PLCB4: variants seen among roughly 807,000 people sequenced by gnomAD.
PLCB4 encodes the protein 1-phosphatidylinositol 4,5-bisphosphate phosphodiesterase beta-4.
Under a neutral mutation model 178.8 loss-of-function variants are expected in PLCB4, and 77 were observed. The ratio of observed to expected loss-of-function variants is 0.43; its 90% confidence interval spans 0.36 to 0.52. PLCB4 has a LOEUF of 0.52. Ranked by LOEUF, PLCB4 falls within the 20% of genes least tolerant of loss-of-function variation. The pLI is 0.00. For missense variants in PLCB4, 1,024 were observed against 1,453.4 expected (o/e 0.70, Z 4.80); for synonymous variants, 496 against 490.8 (o/e 1.01, Z -0.14).
chr20:9,144,872 T>C (rs2092569449), intron 2 of PLCB4, among the ~76,000 whole-genome samples: 1 of 152,044 alleles, frequency 6.6e-6, no homozygotes, highest in South Asian at 2.1e-4. Context: ...AGATCATTCA[T>C]GTAACATTGC....
chr20:9,389,885 A>G lies in PLCB4; in HGVS notation c.1165A>G (p.Ile389Val), dbSNP rs373874403. 1 of 1,568,904 alleles carries G rather than the reference A, an allele frequency of 6.4e-7. No individual in the cohort carries two copies. The highest frequency in any genetic ancestry group is 8.7e-7 in the Non-Finnish European group (1 of 1,144,796). ...TTTTTTTTTGTTTTTAAAGGATGTA[A>G]TTCAAGCCATCAAGGAAACTGCATT... ...MCTDILFKDVIQAIKETAFVT... is the reference protein window; with the variant it reads ...MCTDILFKDVVQAIKETAFVT... The change falls in exon 16 of 40, where the codon ATT becomes GTT. Residue 389 changes from isoleucine to valine, a missense_variant. By Grantham distance (29) the Ile-to-Val change is conservative. Coordinates refer to ENST00000378473, the MANE Select transcript of PLCB4 (RefSeq NM_001377142.1).
chr20:9,144,206 A>G (rs1208183146), intron 2 of PLCB4, among the ~76,000 whole-genome samples: 1 of 152,072 alleles, frequency 6.6e-6, no homozygotes, highest in Non-Finnish European at 1.5e-5. Flanking sequence ...AACTGCTTGG[A>G]GAAGCTGGGC....
intron 3 of PLCB4, among the ~76,000 whole-genome samples, chr20:9,252,920 A>T (rs1423860322): frequency 1.3e-5 from 2 of 152,114 alleles, no homozygotes; most frequent in Non-Finnish European, 2.9e-5. Context: ...TTTAGACAGG[A>T]GTGACACCAC....
chr20:9,227,699 C>G lies in PLCB4; in HGVS notation c.-16+10247C>G, dbSNP rs8121028. ...GTTCTGTATGCCTATACTTATGTCA[C>G]TGACACACTGTTTTTATTACTGTGT... On this transcript the variant is annotated intron_variant, in intron 3 of 39. Transcript: ENST00000378473. 7.5e-3 allele frequency among the ~76,000 whole-genome samples: 1,135 copies of G among 152,228 alleles called. 18 individuals carry two copies. Among genetic ancestry groups the G allele is most frequent in the African/African-American group, 0.026 (1,091 of 41,536 alleles).
At chr20:9,426,212 A>G (rs1249420783) in intron 28 of PLCB4, among the ~76,000 whole-genome samples, 1 of 152,148 alleles carries the variant, frequency 6.6e-6, no homozygotes, top group Admixed American at 6.5e-5. Flanking sequence ...GATTTTCATT[A>G]CTTTTTTCCA....
intron 3 of PLCB4, among the ~76,000 whole-genome samples, chr20:9,261,281 A>G (rs1394954334): frequency 6.6e-6 from 1 of 152,050 alleles, no homozygotes; most frequent in African/African-American, 2.4e-5. Flanking sequence ...CTCTAATCAT[A>G]TATGTGCGTG....
At chr20:9,380,226 G>T in intron 13 of PLCB4, 64 bp downstream of exon 13, 2 of 821,966 alleles carry the variant, frequency 2.4e-6, no homozygotes, top group Admixed American at 2.5e-5. Flanking sequence ...TTAAAGCCTT[G>T]GTTTATTTAA....
chr20:9,078,198 G>T (rs779712514), intron 1 of PLCB4, among the ~76,000 whole-genome samples: 5 of 151,994 alleles, frequency 3.3e-5, no homozygotes, highest in Non-Finnish European at 7.4e-5. Flanking sequence ...CCAGGCTGGT[G>T]TTGAACTCCT....
At chr20:9,126,330 A>T (rs2092113590) in intron 2 of PLCB4, among the ~76,000 whole-genome samples, 1 of 152,178 alleles carries the variant, frequency 6.6e-6, no homozygotes, top group Non-Finnish European at 1.5e-5. Context: ...TAGTAGCAGA[A>T]GTACTGGGTC....
chr20:9,404,187 C>T (rs570034737), intron 20 of PLCB4, among the ~76,000 whole-genome samples: 1 of 152,090 alleles, frequency 6.6e-6, no homozygotes, highest in African/African-American at 2.4e-5. Flanking sequence ...GCCTGGAATT[C>T]CTTGAGGAGG....
rs1005275645 is a variant in PLCB4, at chr20:9,180,340, T to C, written c.-78-37050T>C. 4.6e-5 allele frequency among the ~76,000 whole-genome samples: 7 copies of C among 152,154 alleles called. No homozygotes were observed. The South Asian group carries it at 1.4e-3, about 32-fold the overall frequency. ...AAATAAAAAAGACCATTAGTACTCA[T>C]TGTTCAGCGATTTAAATCTCACAAG... On this transcript the variant is annotated intron_variant, in intron 2 of 39. Transcript: ENST00000378473.
At chr20:9,207,529 A>G (rs2093627679) in intron 2 of PLCB4, among the ~76,000 whole-genome samples, 1 of 152,242 alleles carries the variant, frequency 6.6e-6, no homozygotes, top group African/African-American at 2.4e-5. Flanking sequence ...TTACTATTAT[A>G]CAACTGCTAA....
At chr20:9,123,154 TGAG>T (rs2092013632) in intron 2 of PLCB4, among the ~76,000 whole-genome samples, 1 of 152,050 alleles carries the variant, frequency 6.6e-6, no homozygotes, top group Non-Finnish European at 1.5e-5. Context: ...CATGTTGGAG[TGAG>T]GAGAAGGATG....
intron 20 of PLCB4, among the ~76,000 whole-genome samples, chr20:9,403,511 A>AG (rs1206024563): frequency 2.6e-5 from 4 of 152,222 alleles, no homozygotes; most frequent in African/African-American, 7.2e-5. Flanking sequence ...AGCAAAAAAA[A>AG]CAATTCCCAA....
rs371725616 is a variant in PLCB4 at position 9,480,770 on chromosome 20, A to G, written c.*1761A>G. On this transcript the variant is annotated 3_prime_UTR_variant, in exon 40 of 40. Coordinates refer to ENST00000378473, the MANE Select transcript of PLCB4 (RefSeq NM_001377142.1). Reference sequence around the variant, plus strand: ...TTTTGGCACTAACATCTCATGAAAAATTATGGTTAATAAAATATCACCACA... The same window carrying G: ...TTTTGGCACTAACATCTCATGAAAAGTTATGGTTAATAAAATATCACCACA... 7 of 152,306 alleles carry G rather than the reference A, an allele frequency of 4.6e-5. 1 individual carries two copies. Among genetic ancestry groups the G allele is most frequent in the Admixed American group, 2.6e-4 (4 of 15,292 alleles). The allele number at this position is 152,306 out of a possible 1,614,324, so 9.4% of individuals were successfully genotyped here. A position where few individuals can be genotyped will look rare whatever the true frequency, so the allele number is the denominator to read the frequency against.
At chr20:9,425,672 G>A (rs188281249) in intron 28 of PLCB4, among the ~76,000 whole-genome samples, 1 of 152,132 alleles carries the variant, frequency 6.6e-6, no homozygotes. Context: ...ATGTCATTGT[G>A]GCTGCTTACT....
intron 4 of PLCB4, among the ~76,000 whole-genome samples, chr20:9,320,562 A>G (rs1248903211): frequency 6.6e-6 from 1 of 152,182 alleles, no homozygotes; most frequent in Non-Finnish European, 1.5e-5. Context: ...CGTTTTACCC[A>G]GCCCTGTTCA....
chr20:9,253,437 A>G (rs550544880), intron 3 of PLCB4, among the ~76,000 whole-genome samples: 1 of 152,138 alleles, frequency 6.6e-6, no homozygotes, highest in East Asian at 1.9e-4. Flanking sequence ...ACTCAGACCC[A>G]ATCTGGAAGG....
intron 3 of PLCB4, among the ~76,000 whole-genome samples, chr20:9,259,329 C>T (rs2094272617): frequency 6.6e-6 from 1 of 152,056 alleles, no homozygotes; most frequent in Admixed American, 6.5e-5. Flanking sequence ...AAATGTTATT[C>T]ATCCAATTTT....
Sources: allele counts gnomAD v4.1 joint callset (sites outside exome capture counted in the v4.1 genomes callset), GRCh38; gene constraint gnomAD v4.1.1; transcripts MANE v1.5; gene names NCBI Gene and HGNC (gene_info 2026-07-23, HGNC 2026-07-21).